The following WDR88 variants were observed in gnomAD, a reference collection of about 807,000 sequenced individuals.
The protein encoded by WDR88 is WD repeat-containing protein 88.
A neutral mutation model predicts 46.8 loss-of-function variants in WDR88; 40 were observed. The observed-to-expected ratio is 0.86, with a 90% confidence interval of 0.66 to 1.11. WDR88 has a LOEUF of 1.11. Ranked by LOEUF, WDR88 falls within the 50% of genes most tolerant of loss-of-function variation. The probability of loss-of-function intolerance (pLI) is 0.00; values close to 1 mark genes in which losing one functional copy is unlikely to be tolerated. For missense variants in WDR88, 562 were observed against 602.4 expected (o/e 0.93, Z 0.70); for synonymous variants, 235 against 240.7 (o/e 0.98, Z 0.22).
chr19:33,159,382 A>ATAACTAAC (rs200087009), intron 7 of WDR88, among the ~76,000 whole-genome samples: 2 of 144,050 alleles, frequency 1.4e-5, no homozygotes, highest in Non-Finnish European at 3.0e-5. Context: ...AAATAAATAA[A>ATAACTAAC]TAACAAATAA....
intron 1 of WDR88, 108 bp downstream of exon 1, chr19:33,132,553 C>G: frequency 6.8e-7 from 1 of 1,478,694 alleles, no homozygotes; most frequent in Non-Finnish European, 9.1e-7. Context: ...TTCACCAGGA[C>G]CCCCAGCGAG....
intron 7 of WDR88, among the ~76,000 whole-genome samples, chr19:33,159,054 G>A (rs1455873710): frequency 6.6e-6 from 1 of 151,860 alleles, no homozygotes; most frequent in Non-Finnish European, 1.5e-5. Context: ...CCTTGGCCGT[G>A]TGTGGTGGCT....
At chr19:33,155,356 G>T (rs1366202307) in intron 6 of WDR88, among the ~76,000 whole-genome samples, 1 of 152,248 alleles carries the variant, frequency 6.6e-6, no homozygotes, top group East Asian at 1.9e-4. Flanking sequence ...GCCCAGGCTG[G>T]TGTCAAAATC....
intron 8 of WDR88, among the ~76,000 whole-genome samples, chr19:33,161,737 G>C (rs1177219573): frequency 6.6e-6 from 1 of 152,122 alleles, no homozygotes; most frequent in African/African-American, 2.4e-5. Flanking sequence ...GGCTGAGGCT[G>C]GAGGATCATT....
intron 7 of WDR88, among the ~76,000 whole-genome samples, chr19:33,157,603 GTATATATATGTGTA>G (rs1568367436): frequency 7.3e-6 from 1 of 136,108 alleles, no homozygotes; most frequent in African/African-American, 2.7e-5. Flanking sequence ...GTGTATATAT[GTATATATATGTGTA>G]TATATATATG....
chr19:33,137,640 C>T, intron 1 of WDR88, 37 bp from the exon 2 acceptor site: 3 of 1,532,264 alleles, frequency 2.0e-6, no homozygotes, highest in Non-Finnish European at 2.7e-6. Context: ...TTGTGTCCTG[C>T]AACATGTTTA....
intron 1 of WDR88, among the ~76,000 whole-genome samples, chr19:33,134,758 G>A (rs565247219): frequency 6.6e-6 from 1 of 151,846 alleles, no homozygotes; most frequent in South Asian, 2.1e-4. Flanking sequence ...CGGAGCCCGC[G>A]TTCCAGTGTC....
At chr19:33,171,948 T>C (rs1974045858) in intron 9 of WDR88, among the ~76,000 whole-genome samples, 1 of 152,134 alleles carries the variant, frequency 6.6e-6, no homozygotes, top group Admixed American at 6.6e-5. Context: ...TATTTTTGTA[T>C]TTTTAGTAGA....
intron 3 of WDR88, among the ~76,000 whole-genome samples, chr19:33,146,488 CTT>C (rs1220305082): frequency 2.1e-3 from 165 of 80,400 alleles, no homozygotes; most frequent in Non-Finnish European, 3.4e-3. Flanking sequence ...TCCTTCCTTC[CTT>C]CCTTCCCCTT....
intron 1 of WDR88, among the ~76,000 whole-genome samples, chr19:33,136,053 C>T (rs1338396240): frequency 1.4e-5 from 2 of 142,484 alleles, no homozygotes; most frequent in Non-Finnish European, 1.5e-5. Flanking sequence ...CCACACTCGG[C>T]TAATTTTTTT....
At chr19:33,164,125 A>G in intron 8 of WDR88, 72 bp from the exon 9 acceptor site, 1 of 1,467,952 alleles carries the variant, frequency 6.8e-7, no homozygotes, top group South Asian at 1.1e-5. Context: ...GAGCCACTAC[A>G]CCCAGCTTGT....
chr19:33,167,789 TTCTC>T (rs1224928098), intron 9 of WDR88, among the ~76,000 whole-genome samples: 6 of 151,018 alleles, frequency 4.0e-5, no homozygotes, highest in East Asian at 3.9e-4. Context: ...TCCTCTCTCT[TTCTC>T]TCTTTCTTTC....
rs529955933 is a variant in WDR88, at chr19:33,152,286, C to G, written c.809+976C>G. Among the ~76,000 whole-genome samples the G allele has an allele frequency of 2.6e-5, 4 of 151,354 alleles. No homozygotes were observed. In the East Asian group the frequency reaches 5.8e-4, roughly 22 times the overall value. Reference sequence around the variant, plus strand: ...ACAACATAAAACATGATATTTTAACCATTTTTAAGTGTGCAATTCTCTGCC... The same window carrying G: ...ACAACATAAAACATGATATTTTAACGATTTTTAAGTGTGCAATTCTCTGCC... On this transcript the variant is annotated intron_variant, in intron 6 of 10. Coordinates refer to ENST00000355868, the MANE Select transcript of WDR88 (RefSeq NM_173479.4).
At chr19:33,172,039 C>T (rs797020834) in intron 9 of WDR88, among the ~76,000 whole-genome samples, 15 of 152,302 alleles carry the variant, frequency 9.8e-5, no homozygotes, top group African/African-American at 1.9e-4. Context: ...GGTCGGATTA[C>T]AGGCATGAGC....
intron 8 of WDR88, among the ~76,000 whole-genome samples, chr19:33,161,937 C>A (rs532478660): frequency 6.6e-6 from 1 of 152,292 alleles, no homozygotes; most frequent in East Asian, 1.9e-4. Flanking sequence ...TGGACTCCAG[C>A]CTGGGTGACA....
chr19:33,151,170 G>C lies in WDR88; in HGVS notation c.680-11G>C. The C allele has an allele frequency of 6.2e-7, 1 of 1,612,090 alleles. No individual in the cohort carries two copies. ...GCGTGGTCTCAAGTCCCTTTCCTCC[G>C]TGTTCTGCAGATCATCACACAAGGT... On this transcript the variant is annotated splice_polypyrimidine_tract_variant and intron_variant, in intron 5 of 10. Transcript: ENST00000355868.
At chr19:33,168,614 AGACTT>A (rs1224964244) in intron 9 of WDR88, among the ~76,000 whole-genome samples, 1 of 152,230 alleles carries the variant, frequency 6.6e-6, no homozygotes, top group Non-Finnish European at 1.5e-5. Flanking sequence ...AAATTAAAGA[AGACTT>A]GAATGAATGG....
chr19:33,132,472 G>A lies in WDR88; in HGVS notation c.276+27G>A, dbSNP rs200417850. 1.9e-4 allele frequency: 298 copies of A among 1,609,634 alleles called. 1 individual carries two copies. In the East Asian group the frequency reaches 6.3e-3, roughly 34 times the overall value. ...TCAGAACCGCCGCTGGGGTGAGGGG[G>A]CACTGGCCTGTTCCCCACACGGGAG... On this transcript the variant is annotated intron_variant, in intron 1 of 10. Transcript: ENST00000355868.
chr19:33,156,051 G>A (rs556000767), intron 6 of WDR88, among the ~76,000 whole-genome samples: 6 of 152,330 alleles, frequency 3.9e-5, no homozygotes, highest in Admixed American at 1.3e-4. Context: ...GTAACATAGC[G>A]AAACACTGTC....
Sources: gnomAD v4.1 joint callset for allele counts (sites outside exome capture counted in the v4.1 genomes callset) on GRCh38, gnomAD v4.1.1 for gene constraint, MANE v1.5 for transcripts, NCBI Gene and HGNC (gene_info 2026-07-23, HGNC 2026-07-21) for gene names.